SLA: variants seen among roughly 807,000 people sequenced by gnomAD.
The protein encoded by SLA is Src like adaptor.
SLA carries 16 observed loss-of-function variants against 30.3 expected under a neutral mutation model. That is an observed-to-expected ratio of 0.53 (90% CI 0.36 to 0.80). The LOEUF is 0.80. Among genes scored for constraint, SLA ranks in the 30% least tolerant of loss-of-function variants. The probability of loss-of-function intolerance (pLI) is 0.01; values close to 1 mark genes in which losing one functional copy is unlikely to be tolerated. For synonymous variants in SLA, 143 were observed against 137.8 expected, an observed-to-expected ratio of 1.04 and a Z score of -0.26; for missense variants, 310 against 345.2, an observed-to-expected ratio of 0.90 and a Z score of 0.81.
At chr8:133,060,379 C>A in intron 2 of SLA, 179 bp from the exon 3 acceptor site, 1 of 1,526,976 alleles carries the variant, frequency 6.5e-7, no homozygotes, top group Admixed American at 2.3e-5. Flanking sequence ...AGCTCAAGTT[C>A]TTTTATCAAG....
At chr8:133,060,426 G>T in intron 2 of SLA, 1 of 1,460,002 alleles carries the variant, frequency 6.8e-7, no homozygotes, top group African/African-American at 1.4e-5. Flanking sequence ...GAAGTTGCTA[G>T]CAAATGCTGT....
intron 6 of SLA, among the ~76,000 whole-genome samples, chr8:133,045,727 TG>T (rs1355427312): frequency 6.6e-6 from 1 of 152,140 alleles, no homozygotes; most frequent in African/African-American, 2.4e-5. Flanking sequence ...CAAACACATT[TG>T]GGGTGCTTCC....
In SLA at chr8:133,038,344, G is replaced by A. The variant is rs1837462364; in HGVS notation, c.*180C>T. The A allele has an allele frequency of 1.6e-6, 1 of 611,040 alleles. No individual in the cohort carries two copies. Among genetic ancestry groups the A allele is most frequent in the Admixed American group, 2.9e-5 (1 of 34,518 alleles). 37.9% of individuals were successfully genotyped at this position (611,040 alleles called of 1,614,324 possible). Reference sequence around the variant, plus strand: ...ACAGCCCTGATCAGACACCAGGGAGGGGTTCCTTTGGTCATGATGTGGATA... The same window carrying A: ...ACAGCCCTGATCAGACACCAGGGAGAGGTTCCTTTGGTCATGATGTGGATA... On this transcript the variant is annotated 3_prime_UTR_variant, in exon 9 of 9. Transcript: ENST00000338087.
At chr8:133,051,705 A>G (rs921758749) in intron 3 of SLA, among the ~76,000 whole-genome samples, 1 of 152,168 alleles carries the variant, frequency 6.6e-6, no homozygotes, top group African/African-American at 2.4e-5. Context: ...ACTGAGCGAT[A>G]CGTCTGCTTC....
At chr8:133,069,818 T>C (rs1843682651) in intron 2 of SLA, among the ~76,000 whole-genome samples, 1 of 151,494 alleles carries the variant, frequency 6.6e-6, no homozygotes, top group East Asian at 1.9e-4. Context: ...CCGGCCAACA[T>C]GGCAAAAATC....
chr8:133,040,359 CAG>C (rs1837989254), intron 7 of SLA: 5 of 528,674 alleles, frequency 9.5e-6, no homozygotes, highest in South Asian at 5.3e-5. Flanking sequence ...CAGGCATGGG[CAG>C]AGAGAGAGGT....
At chr8:133,083,706 A>C (rs1192429447) in intron 1 of SLA, among the ~76,000 whole-genome samples, 3 of 152,174 alleles carry the variant, frequency 2.0e-5, no homozygotes, top group Non-Finnish European at 4.4e-5. Flanking sequence ...TCTTTAAAAT[A>C]ATAATAATTA....
chr8:133,102,184 C>T (rs919494724), intron 1 of SLA, among the ~76,000 whole-genome samples: 2 of 152,320 alleles, frequency 1.3e-5, no homozygotes, highest in East Asian at 3.9e-4. Context: ...AGCAGGAATA[C>T]AAAGAACGTC....
At chr8:133,092,157 T>C (rs7832522) in intron 1 of SLA, among the ~76,000 whole-genome samples, 108,941 of 152,028 alleles carry the variant, frequency 0.72, 39,472 homozygotes, top group Non-Finnish European at 0.75. Flanking sequence ...CTCTGAGAAG[T>C]GGTACCAATA....
chr8:133,067,262 G>A (rs1156685259), intron 2 of SLA, among the ~76,000 whole-genome samples: 1 of 152,122 alleles, frequency 6.6e-6, no homozygotes, highest in Non-Finnish European at 1.5e-5. Context: ...CTCCTCTAGG[G>A]CAGGTGCAGC....
At chr8:133,061,058 T>G (rs989996863) in intron 2 of SLA, among the ~76,000 whole-genome samples, 3 of 152,172 alleles carry the variant, frequency 2.0e-5, no homozygotes, top group African/African-American at 7.2e-5. Flanking sequence ...GTCGCCTAGG[T>G]TGGAGTGCAA....
intron 2 of SLA, among the ~76,000 whole-genome samples, chr8:133,061,397 G>A (rs762560995): frequency 1.3e-5 from 2 of 152,186 alleles, no homozygotes; most frequent in East Asian, 3.8e-4. Flanking sequence ...ATAAAGCATG[G>A]GAACCACTTT....
intron 2 of SLA, among the ~76,000 whole-genome samples, chr8:133,071,637 G>A (rs1177030198): frequency 1.4e-4 from 22 of 152,028 alleles, no homozygotes; most frequent in Admixed American, 1.4e-3. Flanking sequence ...GGCATGCAGC[G>A]GGGAGAGGGG....
rs1358164033 is a variant in SLA, at chr8:133,040,137, A to G, written c.485-7T>C. 1 of 1,578,140 alleles carries G rather than the reference A, an allele frequency of 6.3e-7. No individual in the cohort carries two copies. The highest frequency in any genetic ancestry group is 2.3e-5 in the East Asian group (1 of 43,266). On this transcript the variant is annotated splice_polypyrimidine_tract_variant and splice_region_variant and intron_variant, in intron 7 of 8. Transcript: ENST00000338087. ...CACAGGCCATCAGCCACCTCTGAGG[A>G]GGGAAGCAGACAGCCGGTCAGGGAC...
At chr8:133,051,432 A>G (rs1405753229) in intron 3 of SLA, among the ~76,000 whole-genome samples, 1 of 152,162 alleles carries the variant, frequency 6.6e-6, no homozygotes, top group African/African-American at 2.4e-5. Context: ...AAGGAGTGTG[A>G]GGCAAAATGA....
At chr8:133,054,815 C>A (rs984404181) in intron 3 of SLA, among the ~76,000 whole-genome samples, 1 of 152,180 alleles carries the variant, frequency 6.6e-6, no homozygotes, top group South Asian at 2.1e-4. Context: ...GGGGAGGGAC[C>A]CAGGCAGGCC....
rs902593580 is a variant in SLA at position 133,038,315 on chromosome 8, T to C, written c.*209A>G. 1 of 590,744 alleles carries C rather than the reference T, an allele frequency of 1.7e-6. No homozygotes were observed. Among genetic ancestry groups the C allele is most frequent in the African/African-American group, 1.9e-5 (1 of 53,648 alleles). 36.6% of individuals were successfully genotyped at this position (590,744 alleles called of 1,614,324 possible). A position where few individuals can be genotyped will look rare whatever the true frequency, so the allele number is the denominator to read the frequency against. On this transcript the variant is annotated 3_prime_UTR_variant, in exon 9 of 9. Coordinates refer to ENST00000338087, the MANE Select transcript of SLA (RefSeq NM_001045556.3). The stretch of plus-strand genomic sequence containing the variant: ...CATGTCATGATCCAATGTTTCGTGA[T>C]GCCACAGCCCTGATCAGACACCAGG...
At chr8:133,102,199 C>A (rs1207950384) in intron 1 of SLA, among the ~76,000 whole-genome samples, 1 of 152,234 alleles carries the variant, frequency 6.6e-6, no homozygotes, top group Non-Finnish European at 1.5e-5. Context: ...AACGTCCAAT[C>A]TCTGAACCAC....
intron 1 of SLA, chr8:133,095,122 G>T: frequency 6.2e-7 from 1 of 1,614,216 alleles, no homozygotes; most frequent in Non-Finnish European, 8.5e-7. Context: ...GGCAAAGGAG[G>T]TCAGTTGCCC....
Sources: allele counts gnomAD v4.1 joint callset (sites outside exome capture counted in the v4.1 genomes callset), GRCh38; gene constraint gnomAD v4.1.1; transcripts MANE v1.5; gene names NCBI Gene and HGNC (gene_info 2026-07-23, HGNC 2026-07-21).